STAU2: variants seen among roughly 807,000 people sequenced by gnomAD.
STAU2 encodes the protein staufen double-stranded RNA binding protein 2, also known as double-stranded RNA-binding protein Staufen homolog 2.
In STAU2, 20 loss-of-function variants were observed where a neutral mutation model predicts 65.9. The observed-to-expected ratio is 0.30, with a 90% CI of 0.21 to 0.44. The LOEUF is 0.44. Ranked by LOEUF, STAU2 falls within the 20% of genes least tolerant of loss-of-function variation. The pLI is 1.00. For synonymous variants in STAU2, 232 were observed against 233.9 expected (o/e 0.99, Z 0.07); for missense variants, 558 against 683.9 (o/e 0.82, Z 2.05).
chr8:73,469,094 G>A (rs1402607890), intron 13 of STAU2, among the ~76,000 whole-genome samples: 1 of 152,122 alleles, frequency 6.6e-6, no homozygotes, highest in African/African-American at 2.4e-5. Flanking sequence ...AGAAAATGTG[G>A]CACACATACA....
intron 6 of STAU2, among the ~76,000 whole-genome samples, chr8:73,637,074 A>T (rs1010404791): frequency 1.3e-5 from 2 of 152,062 alleles, no homozygotes; most frequent in African/African-American, 4.8e-5. Flanking sequence ...AATTAAGATT[A>T]ATCAACAGAA....
At chr8:73,653,077 A>G (rs1346107100) in intron 6 of STAU2, 1 of 152,232 alleles carries the variant, frequency 6.6e-6, no homozygotes, top group Non-Finnish European at 1.5e-5. Context: ...GAAAAGCATC[A>G]AAGAAAGGAG....
intron 13 of STAU2, among the ~76,000 whole-genome samples, chr8:73,499,154 T>C (rs915700016): frequency 6.6e-6 from 1 of 151,836 alleles, no homozygotes; most frequent in East Asian, 1.9e-4. Context: ...CCCACTTACC[T>C]GCACTATAGA....
At chr8:73,707,919 G>T (rs1045164748) in intron 4 of STAU2, among the ~76,000 whole-genome samples, 3 of 152,054 alleles carry the variant, frequency 2.0e-5, no homozygotes, top group African/African-American at 7.2e-5. Context: ...AAGGGCAAAA[G>T]CACCTTCAAG....
intron 13 of STAU2, among the ~76,000 whole-genome samples, chr8:73,485,713 A>T (rs1245734285): frequency 3.9e-5 from 6 of 152,114 alleles, no homozygotes; most frequent in Non-Finnish European, 8.8e-5. Context: ...ACAAGCCTAT[A>T]GTCCCAGCTA....
intron 13 of STAU2, among the ~76,000 whole-genome samples, chr8:73,545,354 T>C (rs1806830598): frequency 6.6e-6 from 1 of 152,140 alleles, no homozygotes; most frequent in South Asian, 2.1e-4. Flanking sequence ...ACTTTTCTTA[T>C]GCTTTTAAAA....
At chr8:73,587,431 T>A (rs1423218853) in intron 11 of STAU2, among the ~76,000 whole-genome samples, 1 of 152,094 alleles carries the variant, frequency 6.6e-6, no homozygotes, top group African/African-American at 2.4e-5. Context: ...ATTTTCAGGA[T>A]AATGGTGAAG....
At position 73,596,594 on chromosome 8, in the gene STAU2, T is replaced by A. The variant is rs573102238; in HGVS notation, c.1030-1297A>T. Among the ~76,000 whole-genome samples, 150 of 152,168 alleles carry A rather than the reference T, an allele frequency of 9.9e-4. 3 individuals are homozygous for A. The highest frequency in any genetic ancestry group is 3.5e-4 in the Non-Finnish European group (24 of 68,018). On this transcript the variant is annotated intron_variant, in intron 10 of 14. Transcript: ENST00000524300. ...ACAGTGTAATTCTGGTCAGGTGTGG[T>A]GGCTTATACCTGTAATTCCAACACT... is the stretch of plus-strand genomic sequence containing the variant.
intron 5 of STAU2, among the ~76,000 whole-genome samples, chr8:73,680,157 G>A (rs1476368023): frequency 2.2e-4 from 16 of 71,832 alleles, no homozygotes; most frequent in Middle Eastern, 0.011. Context: ...GAGGAGGTGG[G>A]AATAGGGGGC....
intron 6 of STAU2, among the ~76,000 whole-genome samples, chr8:73,618,345 AT>A (rs1261868922): frequency 1.3e-5 from 2 of 152,178 alleles, no homozygotes; most frequent in Non-Finnish European, 2.9e-5. Context: ...GAAAATATCA[AT>A]TGTGTAAAGA....
intron 14 of STAU2, 136 bp from the exon 15 acceptor site, chr8:73,421,601 T>A: frequency 1.3e-6 from 1 of 761,066 alleles, no homozygotes; most frequent in Non-Finnish European, 2.1e-6. Flanking sequence ...AATATTTATG[T>A]TCAGATAGTC....
At chr8:73,710,437 C>T (rs74384187) in intron 3 of STAU2, among the ~76,000 whole-genome samples, 8,161 of 146,394 alleles carry the variant, frequency 0.056, 406 homozygotes, top group Admixed American at 0.16. Context: ...GTGCTTTTTA[C>T]GTCTTGTTTA....
chr8:73,468,689 C>A (rs1398901130), intron 13 of STAU2, among the ~76,000 whole-genome samples: 2 of 152,190 alleles, frequency 1.3e-5, no homozygotes, highest in African/African-American at 2.4e-5. Flanking sequence ...ATGCAGCCAA[C>A]AGACATATGA....
intron 13 of STAU2, among the ~76,000 whole-genome samples, chr8:73,548,245 C>A (rs1249966901): frequency 2.0e-5 from 3 of 149,206 alleles, no homozygotes; most frequent in Admixed American, 6.6e-5. Context: ...AAAATGAATA[C>A]CTTATTCTAA....
intron 12 of STAU2, among the ~76,000 whole-genome samples, chr8:73,564,017 C>T (rs1213017580): frequency 1.3e-5 from 2 of 152,152 alleles, no homozygotes; most frequent in Non-Finnish European, 2.9e-5. Flanking sequence ...CATGTAAGAA[C>T]AATTTCACTT....
intron 13 of STAU2, chr8:73,527,941 T>C: frequency 2.0e-6 from 1 of 496,408 alleles, no homozygotes; most frequent in Non-Finnish European, 3.6e-6. Flanking sequence ...CTCCAATATC[T>C]GGGACTTGAA....
Position 73,572,869 on chromosome 8 carries a change from T to A in STAU2, c.1222+9901A>T, listed in dbSNP as rs993285246. Among the ~76,000 whole-genome samples, 10 of 152,120 alleles carry A rather than the reference T, an allele frequency of 6.6e-5. 1 individual carries two copies. Among genetic ancestry groups the A allele is most frequent in the South Asian group, 6.2e-4 (3 of 4,832 alleles). On this transcript the variant is annotated intron_variant, in intron 12 of 14. Coordinates refer to ENST00000524300, the MANE Select transcript of STAU2 (RefSeq NM_001164380.2). The stretch of plus-strand genomic sequence containing the variant: ...GGGATGCCCTCTCTCACCACTCCTA[T>A]TCAACATAGTGTTGGAAGTCCTGGC...
intron 3 of STAU2, among the ~76,000 whole-genome samples, chr8:73,736,175 G>C (rs984194053): frequency 6.6e-6 from 1 of 152,208 alleles, no homozygotes; most frequent in Admixed American, 6.5e-5. Context: ...CTTTACATGA[G>C]GGAGAGTTAG....
chr8:73,559,980 G>A (rs915635032), intron 12 of STAU2, among the ~76,000 whole-genome samples: 5 of 151,708 alleles, frequency 3.3e-5, no homozygotes, highest in African/African-American at 4.8e-5. Context: ...AAAAAAATAG[G>A]TAAATAATTT....
Sources: gnomAD v4.1 joint callset for allele counts (sites outside exome capture counted in the v4.1 genomes callset) on GRCh38, gnomAD v4.1.1 for gene constraint, MANE v1.5 for transcripts, NCBI Gene and HGNC (gene_info 2026-07-23, HGNC 2026-07-21) for gene names.